ZFHX3: variants seen among roughly 807,000 people sequenced by gnomAD.
ZFHX3 encodes the protein zinc finger homeobox protein 3.
In ZFHX3, 42 loss-of-function variants were observed where a neutral mutation model predicts 279.1. The observed-to-expected ratio is 0.15, with a 90% CI of 0.12 to 0.19. ZFHX3 has a LOEUF of 0.19. ZFHX3 is among the 10% of genes least tolerant of loss of function. ZFHX3 has a pLI of 1.00. For missense variants in ZFHX3, 4,981 were observed against 4,754.0 expected (o/e 1.05, Z -1.40); for synonymous variants, 2,293 against 1,957.8 (o/e 1.17, Z -4.52).
chr16:73,088,771 G>A (rs978803425), intron 8 of ZFHX3, among the ~76,000 whole-genome samples: 1 of 152,184 alleles, frequency 6.6e-6, no homozygotes, highest in Admixed American at 6.5e-5. Context: ...TCAGAAAGCA[G>A]ACCACTGACA....
At chr16:73,263,747 C>T (rs2013889523) in intron 4 of ZFHX3, among the ~76,000 whole-genome samples, 1 of 152,228 alleles carries the variant, frequency 6.6e-6, no homozygotes, top group Non-Finnish European at 1.5e-5. Flanking sequence ...TTCACAGACT[C>T]TAGACCCCTG....
At chr16:73,593,860 T>C (rs942951409) in intron 2 of ZFHX3, among the ~76,000 whole-genome samples, 1 of 152,172 alleles carries the variant, frequency 6.6e-6, no homozygotes, top group Non-Finnish European at 1.5e-5. Context: ...TTATTCAACA[T>C]AAAAACTTTT....
intron 4 of ZFHX3, among the ~76,000 whole-genome samples, chr16:72,863,340 T>TAAAAAAAAAAAAAA (rs66692129): frequency 4.6e-5 from 3 of 64,624 alleles, no homozygotes; most frequent in African/African-American, 2.2e-4. Flanking sequence ...TCATCTCTAC[T>TAAAAAAAAAAAAAA]AAAAAAAAAA....
chr16:73,517,948 T>A (rs995452703), intron 2 of ZFHX3, among the ~76,000 whole-genome samples: 1 of 152,244 alleles, frequency 6.6e-6, no homozygotes, highest in Non-Finnish European at 1.5e-5. Context: ...ATGTGTTTTA[T>A]TATTAATTAT....
intron 3 of ZFHX3, among the ~76,000 whole-genome samples, chr16:73,377,475 C>G (rs191716725): frequency 1.1e-4 from 17 of 152,114 alleles, no homozygotes; most frequent in African/African-American, 4.1e-4. Context: ...CAGACCCTTG[C>G]ACATTTAGAT....
At chr16:73,550,935 G>C (rs1011109980) in intron 2 of ZFHX3, among the ~76,000 whole-genome samples, 1 of 152,218 alleles carries the variant, frequency 6.6e-6, no homozygotes, top group African/African-American at 2.4e-5. Flanking sequence ...ATTGATGGGA[G>C]CATTAGCCTA....
chr16:73,798,876 G>A (rs1567414255), intron 1 of ZFHX3, among the ~76,000 whole-genome samples: 2 of 152,160 alleles, frequency 1.3e-5, no homozygotes, highest in Non-Finnish European at 2.9e-5. Context: ...TTTAGGACAC[G>A]AAAACCCTGC....
In ZFHX3 at chr16:72,784,267, A is replaced by AAAC. The variant is rs1188071674; in HGVS notation, c.*2894_*2896dup. On this transcript the variant is annotated 3_prime_UTR_variant, in exon 10 of 10. Coordinates refer to ENST00000268489, the MANE Select transcript of ZFHX3 (RefSeq NM_006885.4). ...GTAGCTCCATGAAAAAAAAAAACAA[A>AAAC]AACAAAAACAAAAACCCAAACCATC... is the stretch of plus-strand genomic sequence containing the variant. 6.6e-6 allele frequency: 1 copy of AAAC among 152,540 alleles called. No individual in the cohort carries two copies. Among genetic ancestry groups the AAAC allele is most frequent in the Non-Finnish European group, 1.5e-5 (1 of 68,162 alleles). 9.4% of individuals were successfully genotyped at this position (152,540 alleles called of 1,614,324 possible). A position where few individuals can be genotyped will look rare whatever the true frequency, so the allele number is the denominator to read the frequency against.
chr16:72,983,396 AC>A (rs1962695574), intron 1 of ZFHX3, among the ~76,000 whole-genome samples: 2 of 152,192 alleles, frequency 1.3e-5, no homozygotes, highest in African/African-American at 4.8e-5. Flanking sequence ...AATGAGGGCA[AC>A]CCCAAAGGGG....
intron 2 of ZFHX3, among the ~76,000 whole-genome samples, chr16:73,501,976 T>C (rs2019246947): frequency 6.6e-6 from 1 of 152,158 alleles, no homozygotes; most frequent in South Asian, 2.1e-4. Context: ...AAAACAAAGC[T>C]ATTTGTTTAC....
intron 1 of ZFHX3, among the ~76,000 whole-genome samples, chr16:73,722,216 C>A (rs546119256): frequency 1.3e-5 from 2 of 152,230 alleles, no homozygotes; most frequent in African/African-American, 2.4e-5. Context: ...GAGCAGTGGA[C>A]AATAAGTAGG....
intron 5 of ZFHX3, among the ~76,000 whole-genome samples, chr16:73,195,870 G>C (rs1727497877): frequency 1.3e-5 from 2 of 152,158 alleles, no homozygotes; most frequent in Non-Finnish European, 2.9e-5. Context: ...GGTTGCAGAA[G>C]AGATGGATTT....
intron 3 of ZFHX3, among the ~76,000 whole-genome samples, chr16:73,342,727 G>A (rs1433429021): frequency 6.6e-6 from 1 of 152,146 alleles, no homozygotes; most frequent in African/African-American, 2.4e-5. Flanking sequence ...GGGAGGGCTA[G>A]GAAGGAAAGT....
At chr16:73,083,642 A>G (rs1371723959) in intron 8 of ZFHX3, among the ~76,000 whole-genome samples, 1 of 151,946 alleles carries the variant, frequency 6.6e-6, no homozygotes, top group Non-Finnish European at 1.5e-5. Flanking sequence ...CCATCCTCTC[A>G]CCTCAGCCTT....
In ZFHX3 at chr16:73,096,773, G is replaced by T. The variant is rs111980469; in HGVS notation, c.-896-3175C>A. On this transcript the variant is annotated intron_variant, in intron 7 of 17. Coordinates refer to the ZFHX3 transcript ENST00000641206. ...TGGGACAGGAGAAGGCAGAGAATGG[G>T]GCATCATGTTAAAACTCTTCTTCAA... is the stretch of plus-strand genomic sequence containing the variant. Among the ~76,000 whole-genome samples the T allele has an allele frequency of 4.6e-3, 706 of 152,016 alleles. 7 individuals carry two copies. Among genetic ancestry groups the T allele is most frequent in the Middle Eastern group, 0.01 (3 of 292 alleles).
At chr16:73,732,882 A>C (rs1339964917) in intron 1 of ZFHX3, among the ~76,000 whole-genome samples, 1 of 152,212 alleles carries the variant, frequency 6.6e-6, no homozygotes, top group South Asian at 2.1e-4. Flanking sequence ...TATAAGCTGC[A>C]TTAAGGCGGT....
intron 3 of ZFHX3, among the ~76,000 whole-genome samples, chr16:73,434,447 A>G (rs956992377): frequency 1.3e-5 from 2 of 152,192 alleles, no homozygotes; most frequent in African/African-American, 4.8e-5. Context: ...TGCCCCAGTT[A>G]TCTGCTTCAT....
At chr16:73,193,424 T>G (rs1482604936) in intron 5 of ZFHX3, among the ~76,000 whole-genome samples, 1 of 151,970 alleles carries the variant, frequency 6.6e-6, no homozygotes, top group African/African-American at 2.4e-5. Context: ...GTGTGAAGAG[T>G]CCTGAAGGTC....
intron 8 of ZFHX3, among the ~76,000 whole-genome samples, chr16:73,083,071 C>T (rs1050162556): frequency 2.7e-5 from 4 of 150,638 alleles, no homozygotes; most frequent in South Asian, 2.1e-4. Flanking sequence ...GGCTTGGTGG[C>T]GGGTGCCTGT....
Sources: allele counts gnomAD v4.1 joint callset (sites outside exome capture counted in the v4.1 genomes callset), GRCh38; gene constraint gnomAD v4.1.1; transcripts MANE v1.5; gene names NCBI Gene and HGNC (gene_info 2026-07-23, HGNC 2026-07-21).